Variants in SYT1 observed in about 807,000 individuals in gnomAD.
SYT1 encodes synaptotagmin 1, also known as synaptotagmin-1.
A neutral mutation model predicts 44.8 loss-of-function variants in SYT1; 8 were observed. The observed-to-expected ratio is 0.18, with a 90% CI of 0.10 to 0.32. SYT1 has a LOEUF of 0.32. Among genes scored for constraint, SYT1 ranks in the 10% least tolerant of loss-of-function variants. The pLI is 1.00. For missense variants in SYT1, 286 were observed against 509.3 expected (o/e 0.56, Z 4.22); for synonymous variants, 154 against 188.8 (o/e 0.82, Z 1.51).
chr12:79,150,119 A>C (rs772651656), intron 3 of SYT1, among the ~76,000 whole-genome samples: 1 of 152,220 alleles, frequency 6.6e-6, no homozygotes, highest in Non-Finnish European at 1.5e-5. Flanking sequence ...AGTAATTAAC[A>C]TATCCATCAG....
intron 4 of SYT1, among the ~76,000 whole-genome samples, chr12:79,247,559 A>G (rs1307592046): frequency 6.6e-6 from 1 of 152,176 alleles, no homozygotes; most frequent in African/African-American, 2.4e-5. Context: ...CCCACCTGCA[A>G]TTGAGAAAGG....
chr12:78,961,949 TC>T (rs1345938011), intron 1 of SYT1, among the ~76,000 whole-genome samples: 4 of 152,220 alleles, frequency 2.6e-5, no homozygotes, highest in Non-Finnish European at 5.9e-5. Context: ...ATTATAATAT[TC>T]TTACAATTTT....
At chr12:79,167,899 C>T (rs1169821828) in intron 3 of SYT1, among the ~76,000 whole-genome samples, 4 of 151,878 alleles carry the variant, frequency 2.6e-5, no homozygotes, top group African/African-American at 4.8e-5. Context: ...TCATAAGGAG[C>T]GTAACAACCT....
At chr12:79,219,269 T>C (rs1016562449) in intron 4 of SYT1, among the ~76,000 whole-genome samples, 1 of 152,102 alleles carries the variant, frequency 6.6e-6, no homozygotes, top group African/African-American at 2.4e-5. Flanking sequence ...ATCAGATGTA[T>C]AGTTTGCAAA....
At chr12:78,919,001 T>C (rs1271516412) in intron 1 of SYT1, among the ~76,000 whole-genome samples, 3 of 151,968 alleles carry the variant, frequency 2.0e-5, no homozygotes, top group African/African-American at 7.2e-5. Flanking sequence ...ACAGGACAAA[T>C]GAAAGATTAT....
At chr12:79,119,519 C>G (rs576348232) in intron 3 of SYT1, among the ~76,000 whole-genome samples, 1 of 152,004 alleles carries the variant, frequency 6.6e-6, no homozygotes, top group East Asian at 1.9e-4. Context: ...CTGAGAAGGT[C>G]CTTCTTATCT....
At position 79,096,142 on chromosome 12, in the gene SYT1, C is replaced by A. The variant is rs138599545; in HGVS notation, c.-18+48780C>A. The stretch of plus-strand genomic sequence containing the variant: ...AGATCATAACCTGTAGTGATAATTT[C>A]TCTGTCAGACCTTTAAAAGTGTCAG... On this transcript the variant is annotated intron_variant, in intron 3 of 10. Coordinates refer to ENST00000261205, the MANE Select transcript of SYT1 (RefSeq NM_005639.3). Among the ~76,000 whole-genome samples, 128 of 152,056 alleles carry A rather than the reference C, an allele frequency of 8.4e-4. 3 individuals carry two copies. In the East Asian group the frequency reaches 0.023, roughly 27 times the overall value.
At chr12:79,209,332 T>G (rs902630720) in intron 3 of SYT1, among the ~76,000 whole-genome samples, 8 of 152,214 alleles carry the variant, frequency 5.3e-5, no homozygotes, top group African/African-American at 1.2e-4. Flanking sequence ...TGGTTCATTT[T>G]TTTTCCAAAA....
chr12:78,876,373 G>T (rs185218533), intron 1 of SYT1, among the ~76,000 whole-genome samples: 1 of 149,200 alleles, frequency 6.7e-6, no homozygotes, highest in African/African-American at 2.4e-5. Context: ...AATAATTAAA[G>T]CCTCAATCAT....
intron 6 of SYT1, 122 bp from the exon 7 acceptor site, chr12:79,295,945 CAG>C (rs755192587): frequency 6.1e-5 from 68 of 1,120,466 alleles, no homozygotes; most frequent in Non-Finnish European, 7.3e-5. Context: ...ATAAGAGAAT[CAG>C]AGTTTTATTA....
chr12:79,124,262 A>G (rs1868334945), intron 3 of SYT1, among the ~76,000 whole-genome samples: 2 of 152,182 alleles, frequency 1.3e-5, no homozygotes, highest in Non-Finnish European at 2.9e-5. Flanking sequence ...CACCAACATG[A>G]TGTAATTGGA....
intron 9 of SYT1, among the ~76,000 whole-genome samples, chr12:79,362,720 T>C (rs1041075897): frequency 6.6e-6 from 1 of 152,190 alleles, no homozygotes; most frequent in African/African-American, 2.4e-5. Context: ...GAGTAATACC[T>C]ACCTATTTAT....
chr12:78,919,006 G>C (rs1203402586), intron 1 of SYT1, among the ~76,000 whole-genome samples: 1 of 151,958 alleles, frequency 6.6e-6, no homozygotes, highest in Non-Finnish European at 1.5e-5. Context: ...ACAAATGAAA[G>C]ATTATAACGA....
chr12:79,387,863 A>G (rs1213305531), intron 9 of SYT1, among the ~76,000 whole-genome samples: 2 of 152,254 alleles, frequency 1.3e-5, no homozygotes, highest in African/African-American at 2.4e-5. Flanking sequence ...GAAAACTTCT[A>G]TAATATCTAA....
chr12:79,186,631 G>T (rs1872817171), intron 3 of SYT1, among the ~76,000 whole-genome samples: 1 of 151,976 alleles, frequency 6.6e-6, no homozygotes, highest in South Asian at 2.1e-4. Flanking sequence ...AAGATTAAAT[G>T]TCCAATAAGT....
chr12:79,009,308 G>GTTTGT (rs1448136200), intron 2 of SYT1, among the ~76,000 whole-genome samples: 1 of 150,092 alleles, frequency 6.7e-6, no homozygotes, highest in Non-Finnish European at 1.5e-5. Flanking sequence ...GTTTTTGTTT[G>GTTTGT]TTTGTTTTGT....
At chr12:78,984,068 C>G (rs1355870658) in intron 2 of SYT1, among the ~76,000 whole-genome samples, 1 of 151,772 alleles carries the variant, frequency 6.6e-6, no homozygotes, top group Non-Finnish European at 1.5e-5. Context: ...TATATTGTAT[C>G]AAGTGTGCCT....
chr12:79,237,053 G>A (rs1876232680), intron 4 of SYT1, among the ~76,000 whole-genome samples: 1 of 152,208 alleles, frequency 6.6e-6, no homozygotes, highest in Non-Finnish European at 1.5e-5. Context: ...GGGGAACCTG[G>A]AAGGAGAGAA....
intron 4 of SYT1, among the ~76,000 whole-genome samples, chr12:79,275,484 A>T (rs1046219515): frequency 3.3e-5 from 5 of 152,074 alleles, no homozygotes; most frequent in Non-Finnish European, 7.4e-5. Flanking sequence ...CCCCCTCTAC[A>T]TGAATATCAG....
Sources: allele counts gnomAD v4.1 joint callset (sites outside exome capture counted in the v4.1 genomes callset), GRCh38; gene constraint gnomAD v4.1.1; transcripts MANE v1.5; gene names NCBI Gene and HGNC (gene_info 2026-07-23, HGNC 2026-07-21).